Variants in DLGAP2 observed in about 807,000 individuals in gnomAD.
The protein encoded by DLGAP2 is DLG associated protein 2.
In DLGAP2, 26 loss-of-function variants were observed where a neutral mutation model predicts 100.3. The ratio of observed to expected loss-of-function variants is 0.26; its 90% CI spans 0.19 to 0.36. The LOEUF is 0.36. DLGAP2 is among the 10% of genes least tolerant of loss of function. The pLI, the probability that DLGAP2 is intolerant of heterozygous loss-of-function variation, is 1.00. For synonymous variants in DLGAP2, 886 were observed against 630.1 expected (o/e 1.41, Z -6.08); for missense variants, 1,858 against 1,453.2 (o/e 1.28, Z -4.53).
chr8:938,795 C>T (rs1335269434), intron 2 of DLGAP2, among the ~76,000 whole-genome samples: 2 of 152,088 alleles, frequency 1.3e-5, no homozygotes, highest in East Asian at 1.9e-4. Context: ...GCCACGGGAG[C>T]CAGAGGGAAC....
rs2235113 is a variant in DLGAP2 at position 1,668,697 on chromosome 8, C to T, written c.2160+19C>T. On this transcript the variant is annotated intron_variant, in intron 9 of 14. Coordinates refer to ENST00000637795, the MANE Select transcript of DLGAP2 (RefSeq NM_001346810.2). ...GATTCAGGTAGCTGCTCTTGGCCGCCCGTCAGGGCCTCGCTCCACTCAGTC... is the reference window on the plus strand; with the variant it reads ...GATTCAGGTAGCTGCTCTTGGCCGCTCGTCAGGGCCTCGCTCCACTCAGTC... 6.7e-7 allele frequency: 1 copy of T among 1,502,084 alleles called. No homozygotes were observed. Among genetic ancestry groups the T allele is most frequent in the South Asian group, 1.3e-5 (1 of 76,154 alleles). 93.0% of individuals were successfully genotyped at this position (1,502,084 alleles called of 1,614,324 possible).
At chr8:1,147,117 G>A (rs1017122784) in intron 2 of DLGAP2, among the ~76,000 whole-genome samples, 1 of 152,174 alleles carries the variant, frequency 6.6e-6, no homozygotes, top group Non-Finnish European at 1.5e-5. Context: ...CAAATGCATT[G>A]ACATGGTAGT....
chr8:817,760 C>T (rs1218140708), intron 1 of DLGAP2, among the ~76,000 whole-genome samples: 1 of 152,174 alleles, frequency 6.6e-6, no homozygotes, highest in Non-Finnish European at 1.5e-5. Context: ...CCCGGTGGAG[C>T]TACTAGGCTC....
chr8:1,214,051 C>A (rs1004458169), intron 2 of DLGAP2, among the ~76,000 whole-genome samples: 6 of 150,332 alleles, frequency 4.0e-5, no homozygotes, highest in East Asian at 3.9e-4. Flanking sequence ...AGCCGCCTGT[C>A]CTCACCTCCA....
At chr8:803,937 A>G (rs1217241354) in intron 1 of DLGAP2, among the ~76,000 whole-genome samples, 2 of 152,214 alleles carry the variant, frequency 1.3e-5, no homozygotes, top group African/African-American at 4.8e-5. Context: ...ATGGATAGAA[A>G]GATGTATCCG....
chr8:1,053,256 A>G (rs926066799), intron 2 of DLGAP2, among the ~76,000 whole-genome samples: 2 of 152,164 alleles, frequency 1.3e-5, no homozygotes, highest in Non-Finnish European at 2.9e-5. Flanking sequence ...CTATTTGGGC[A>G]AATTATTTAA....
At chr8:1,043,553 G>A (rs1200049228) in intron 2 of DLGAP2, among the ~76,000 whole-genome samples, 1 of 152,036 alleles carries the variant, frequency 6.6e-6, no homozygotes, top group Non-Finnish European at 1.5e-5. Flanking sequence ...GGAAGCAGTA[G>A]GTGGCTGAGA....
At chr8:744,103 G>C (rs10090579) in intron 1 of DLGAP2, among the ~76,000 whole-genome samples, 6,373 of 152,278 alleles carry the variant, frequency 0.042, 186 homozygotes, top group Non-Finnish European at 0.065. Flanking sequence ...TCTATGGATG[G>C]AGCCATCATC....
intron 8 of DLGAP2, among the ~76,000 whole-genome samples, chr8:1,656,467 C>G (rs927124045): frequency 6.6e-6 from 1 of 152,206 alleles, no homozygotes; most frequent in Non-Finnish European, 1.5e-5. Flanking sequence ...TCTGCCAACA[C>G]TGCAGCCACC....
rs1009382930 is a variant in DLGAP2 at position 1,556,059 on chromosome 8, G to T, written c.1230+6376G>T. Among the ~76,000 whole-genome samples, 11 of 152,326 alleles carry T rather than the reference G, an allele frequency of 7.2e-5. No homozygotes were observed. The East Asian group carries it at 2.1e-3, about 29-fold the overall frequency. Reference sequence around the variant, plus strand: ...CTACATGTAACTCAAGATGGTCGTGGATGCAGAGACCTCATGGTGACTGGG... The same window carrying T: ...CTACATGTAACTCAAGATGGTCGTGTATGCAGAGACCTCATGGTGACTGGG... On this transcript the variant is annotated intron_variant, in intron 5 of 14. Transcript: ENST00000637795.
At chr8:1,550,538 G>A (rs1025807123) in intron 5 of DLGAP2, among the ~76,000 whole-genome samples, 10 of 152,148 alleles carry the variant, frequency 6.6e-5, no homozygotes, top group African/African-American at 2.4e-4. Context: ...ATGGAAGTGG[G>A]CCTGCGACAT....
chr8:994,352 C>T (rs12677315), intron 2 of DLGAP2, among the ~76,000 whole-genome samples: 5,268 of 152,206 alleles, frequency 0.035, 269 homozygotes, highest in Admixed American at 0.13. Flanking sequence ...AGGCATGGGC[C>T]ACCATGCCTG....
At chr8:1,061,034 T>G (rs1803065841) in intron 2 of DLGAP2, among the ~76,000 whole-genome samples, 1 of 152,206 alleles carries the variant, frequency 6.6e-6, no homozygotes, top group African/African-American at 2.4e-5. Flanking sequence ...ACCATGGCAG[T>G]TCCCCCACGT....
intron 3 of DLGAP2, among the ~76,000 whole-genome samples, chr8:1,311,012 C>G (rs1464142999): frequency 1.3e-5 from 2 of 150,360 alleles, no homozygotes; most frequent in Non-Finnish European, 3.0e-5. Context: ...TTGAAAAGAT[C>G]AAAATATTGG....
rs555641803 is a variant in DLGAP2, at chr8:1,305,077, ATC to A, written c.106+46201_106+46202del. On this transcript the variant is annotated intron_variant, in intron 3 of 14. Coordinates refer to ENST00000637795, the MANE Select transcript of DLGAP2 (RefSeq NM_001346810.2). The stretch of plus-strand genomic sequence containing the variant: ...CTCCCACCTGGAGGTGACCCCAGGA[ATC>A]TCTCTCAGAAGCACCAGAGTAGCCT... 1.2e-3 allele frequency among the ~76,000 whole-genome samples: 188 copies of A among 152,318 alleles called. 1 individual carries two copies. The highest frequency in any genetic ancestry group is 4.3e-3 in the African/African-American group (179 of 41,578).
At chr8:1,355,673 A>AT (rs949807919) in intron 3 of DLGAP2, among the ~76,000 whole-genome samples, 12 of 152,140 alleles carry the variant, frequency 7.9e-5, no homozygotes, top group Middle Eastern at 3.4e-3. Flanking sequence ...AAGTACGAGT[A>AT]TTTTTTAATG....
chr8:858,137 G>A (rs1316594869), intron 1 of DLGAP2, among the ~76,000 whole-genome samples: 2 of 152,314 alleles, frequency 1.3e-5, no homozygotes, highest in South Asian at 2.1e-4. Flanking sequence ...GATTACAGGC[G>A]TTAGCCACCG....
intron 6 of DLGAP2, among the ~76,000 whole-genome samples, chr8:1,594,647 C>T (rs1463536363): frequency 1.3e-5 from 2 of 152,154 alleles, no homozygotes; most frequent in African/African-American, 4.8e-5. Context: ...TGATCCTGAA[C>T]TCCTGACCTC....
intron 3 of DLGAP2, among the ~76,000 whole-genome samples, chr8:1,392,715 G>C (rs370932807): frequency 2.0e-5 from 3 of 152,198 alleles, no homozygotes; most frequent in Non-Finnish European, 4.4e-5. Context: ...CTGCGTTTCA[G>C]TGGAAGTGCC....
Sources: gnomAD v4.1 joint callset for allele counts (sites outside exome capture counted in the v4.1 genomes callset) on GRCh38, gnomAD v4.1.1 for gene constraint, MANE v1.5 for transcripts, NCBI Gene and HGNC (gene_info 2026-07-23, HGNC 2026-07-21) for gene names.